Variants in CHD7 observed in about 807,000 individuals in gnomAD.
The protein encoded by CHD7 is ATP-dependent chromatin remodeler CHD7.
In CHD7, 24 loss-of-function variants were observed where a neutral mutation model predicts 307.3. The ratio of observed to expected loss-of-function variants is 0.08; its 90% CI spans 0.06 to 0.11. The LOEUF (loss-of-function observed/expected upper bound fraction) is 0.11, where lower values mean the gene tolerates loss of function less well. CHD7 is among the 10% of genes least tolerant of loss of function. The pLI is 1.00. For synonymous variants in CHD7, 1,363 were observed against 1,349.9 expected (o/e 1.01, Z -0.21); for missense variants, 3,106 against 3,727.1 (o/e 0.83, Z 4.34).
At chr8:60,850,919 A>G in intron 26 of CHD7, 113 bp from the exon 27 acceptor site, 1 of 783,030 alleles carries the variant, frequency 1.3e-6, no homozygotes, top group South Asian at 1.9e-5. Context: ...TTTTGATGTC[A>G]AACCCATAAT....
chr8:60,752,433 A>G (rs1443618464), intron 2 of CHD7, among the ~76,000 whole-genome samples: 1 of 152,128 alleles, frequency 6.6e-6, no homozygotes, highest in Non-Finnish European at 1.5e-5. Context: ...ACTCTCACCC[A>G]TTTGGTGGGC....
At chr8:60,779,586 T>G (rs1209226437) in intron 2 of CHD7, among the ~76,000 whole-genome samples, 2 of 152,204 alleles carry the variant, frequency 1.3e-5, no homozygotes, top group Non-Finnish European at 2.9e-5. Flanking sequence ...TGGCATCAAA[T>G]AGCCGCTCAG....
chr8:60,700,853 A>G (rs1331599271), intron 1 of CHD7, among the ~76,000 whole-genome samples: 1 of 152,228 alleles, frequency 6.6e-6, no homozygotes, highest in Non-Finnish European at 1.5e-5. Context: ...AATGAGGACG[A>G]TGATGGCAGT....
chr8:60,861,385 C>G, intron 35 of CHD7: 1 of 377,508 alleles, frequency 2.6e-6, no homozygotes, highest in Non-Finnish European at 4.7e-6. Flanking sequence ...TCCCATCAAA[C>G]TCATGTGACT....
At chr8:60,820,545 G>T (rs1803978312) in intron 9 of CHD7, among the ~76,000 whole-genome samples, 1 of 152,134 alleles carries the variant, frequency 6.6e-6, no homozygotes, top group South Asian at 2.1e-4. Flanking sequence ...TCTCTTAAAA[G>T]ATCCTAGTCT....
At chr8:60,732,671 C>CACCA (rs1438498900) in intron 1 of CHD7, among the ~76,000 whole-genome samples, 1 of 152,114 alleles carries the variant, frequency 6.6e-6, no homozygotes, top group Non-Finnish European at 1.5e-5. Context: ...AGCCTTTATA[C>CACCA]ACCACCCTGG....
intron 34 of CHD7, among the ~76,000 whole-genome samples, chr8:60,860,555 C>A (rs1249768305): frequency 6.6e-6 from 1 of 152,254 alleles, no homozygotes; most frequent in Non-Finnish European, 1.5e-5. Context: ...CTGCCCCAGC[C>A]TCCCAGGTAG....
At chr8:60,836,052 T>C (rs1804728590) in intron 15 of CHD7, 21 bp from the exon 16 acceptor site, 1 of 1,570,608 alleles carries the variant, frequency 6.4e-7, no homozygotes, top group Non-Finnish European at 8.7e-7. Flanking sequence ...GTATTCACGT[T>C]ATGCTGTCCA....
chr8:60,719,952 A>G (rs1042933851), intron 1 of CHD7, among the ~76,000 whole-genome samples: 12 of 152,260 alleles, frequency 7.9e-5, no homozygotes, highest in Admixed American at 2.6e-4. Flanking sequence ...TATTCAAGCC[A>G]TAAAACATGC....
intron 1 of CHD7, among the ~76,000 whole-genome samples, chr8:60,693,779 A>G (rs1161243795): frequency 2.0e-5 from 3 of 152,264 alleles, no homozygotes; most frequent in Admixed American, 6.5e-5. Context: ...GGTTAACACA[A>G]CAATGTCAAT....
At chr8:60,787,719 T>G (rs1811560869) in intron 3 of CHD7, among the ~76,000 whole-genome samples, 1 of 152,222 alleles carries the variant, frequency 6.6e-6, no homozygotes, top group Non-Finnish European at 1.5e-5. Flanking sequence ...AATGTCTGTG[T>G]TAAGCTTCTG....
chr8:60,848,541 A>T lies in CHD7; in HGVS notation c.5237A>T (p.Tyr1746Phe). The T allele has an allele frequency of 6.2e-7, 1 of 1,613,672 alleles. No individual in the cohort carries two copies. Among genetic ancestry groups the T allele is most frequent in the South Asian group, 1.1e-5 (1 of 90,988 alleles). The change falls in exon 24 of 38, where the codon TAC (tyrosine) becomes TTC (phenylalanine). Residue 1746 changes from tyrosine (Y) to phenylalanine (F), a missense_variant. This residue lies in a region of CHD7 where 1,030 missense variants were observed against 1,165.4 expected (regional missense o/e 0.88). Transcript: ENST00000423902. ...NKVLLRVRML[Y>F]YLRQEVIGDQ... ...GTCCTGCTGCGTGTCCGCATGCTGTACTACCTAAGACAAGAAGTGATAGGA... is the reference window on the plus strand; with the variant it reads ...GTCCTGCTGCGTGTCCGCATGCTGTTCTACCTAAGACAAGAAGTGATAGGA...
intron 3 of CHD7, among the ~76,000 whole-genome samples, chr8:60,790,585 G>T (rs532984740): frequency 3.9e-4 from 60 of 152,250 alleles, no homozygotes; most frequent in African/African-American, 1.3e-3. Flanking sequence ...TTAGAGTAGT[G>T]CCTGGTACAT....
intron 1 of CHD7, among the ~76,000 whole-genome samples, chr8:60,714,398 G>A (rs1807459469): frequency 7.7e-6 from 1 of 129,318 alleles, no homozygotes; most frequent in Admixed American, 7.3e-5. Context: ...CATGGCGGCC[G>A]GGAGAAGGCC....
chr8:60,742,989 T>C lies in CHD7; in HGVS notation c.1557T>C (p.Pro519=). Residue 519 remains proline, a synonymous_variant, in exon 2 of 38, where the codon CCT becomes CCC. Transcript: ENST00000423902. Reference sequence around the variant, plus strand: ...TGCCAACCTGTCCTCCACTGCAGCCTCACCCGGGCTTGCACCACCAGTCTT... The same window carrying C: ...TGCCAACCTGTCCTCCACTGCAGCCCCACCCGGGCTTGCACCACCAGTCTT... ...QQLPTCPPLQ[P]HPGLHHQSSP... is the part of the protein sequence containing the mutation. The C allele has an allele frequency of 6.2e-7, 1 of 1,613,756 alleles. No individual in the cohort carries two copies. Among genetic ancestry groups the C allele is most frequent in the South Asian group, 1.1e-5 (1 of 91,024 alleles).
At chr8:60,701,627 T>C (rs1461068041) in intron 1 of CHD7, among the ~76,000 whole-genome samples, 1 of 152,240 alleles carries the variant, frequency 6.6e-6, no homozygotes, top group Non-Finnish European at 1.5e-5. Flanking sequence ...TGATATTCTT[T>C]TCTTGGACAC....
chr8:60,819,621 C>A (rs1022242391), intron 8 of CHD7, among the ~76,000 whole-genome samples: 1 of 152,188 alleles, frequency 6.6e-6, no homozygotes, highest in Admixed American at 6.5e-5. Flanking sequence ...TTACAATATT[C>A]CAAGTAACAC....
intron 1 of CHD7, among the ~76,000 whole-genome samples, chr8:60,714,948 A>T (rs942910412): frequency 6.6e-6 from 1 of 152,256 alleles, no homozygotes; most frequent in East Asian, 1.9e-4. Context: ...CGCAGGCGCC[A>T]TAGTGGGGAG....
intron 1 of CHD7, among the ~76,000 whole-genome samples, chr8:60,697,125 A>C (rs1222481713): frequency 6.6e-6 from 1 of 152,256 alleles, no homozygotes; most frequent in East Asian, 1.9e-4. Flanking sequence ...CATGATTTTG[A>C]TATTTGGGAG....
Sources: gnomAD v4.1 joint callset for allele counts (sites outside exome capture counted in the v4.1 genomes callset) on GRCh38, gnomAD v4.1.1 for gene constraint, gnomAD v4.1.1 regional missense constraint, MANE v1.5 for transcripts, NCBI Gene and HGNC (gene_info 2026-07-23, HGNC 2026-07-21) for gene names.